The following ZNF536 variants were observed in gnomAD, a reference collection of about 807,000 sequenced individuals.
ZNF536 encodes zinc finger protein 536.
In ZNF536, 13 loss-of-function variants were observed where a neutral mutation model predicts 84.5. The ratio of observed to expected loss-of-function variants is 0.15; its 90% CI spans 0.10 to 0.24. ZNF536 has a LOEUF of 0.24. Among genes scored for constraint, ZNF536 ranks in the 10% least tolerant of loss-of-function variants. The pLI is 1.00. For missense variants in ZNF536, 1,536 were observed against 1,747.5 expected (o/e 0.88, Z 2.16); for synonymous variants, 811 against 742.5 (o/e 1.09, Z -1.50).
chr19:30,470,976 C>T (rs1455567277), intron 2 of ZNF536, among the ~76,000 whole-genome samples: 1 of 145,160 alleles, frequency 6.9e-6, no homozygotes, highest in Non-Finnish European at 1.5e-5. Flanking sequence ...GCATGAGCCA[C>T]TGCGCCCGGC....
At chr19:30,486,674 C>T (rs1173847391) in intron 2 of ZNF536, among the ~76,000 whole-genome samples, 1 of 152,156 alleles carries the variant, frequency 6.6e-6, no homozygotes, top group Admixed American at 6.5e-5. Context: ...GAGGATTCTC[C>T]ACACTGACTT....
exon 2 of ZNF536, chr19:30,712,389 GAAAGTATTAACTT>G (rs1376732155): frequency 6.7e-6 from 1 of 149,514 alleles, no homozygotes; most frequent in Non-Finnish European, 1.5e-5. Context: ...AGAGAAGTAT[GAAAGTATTAACTT>G]CTTCTAAAAC....
At chr19:30,476,315 A>G (rs1227932170) in intron 2 of ZNF536, among the ~76,000 whole-genome samples, 1 of 152,178 alleles carries the variant, frequency 6.6e-6, no homozygotes, top group Non-Finnish European at 1.5e-5. Flanking sequence ...GGCCATTAGC[A>G]TCCTGGCATT....
At chr19:30,659,502 AC>A (rs1465154063) in intron 1 of ZNF536, among the ~76,000 whole-genome samples, 2 of 151,956 alleles carry the variant, frequency 1.3e-5, no homozygotes, top group African/African-American at 4.8e-5. Context: ...ATAAAGACAT[AC>A]CCAAGACTGG....
chr19:30,386,647 G>C (rs1366054346), intron 1 of ZNF536, among the ~76,000 whole-genome samples: 1 of 152,180 alleles, frequency 6.6e-6, no homozygotes, highest in Non-Finnish European at 1.5e-5. Flanking sequence ...CAAAATGTTG[G>C]GATTATAGGC....
chr19:30,421,262 T>TTAGGA (rs1407759733), intron 1 of ZNF536, among the ~76,000 whole-genome samples: 6 of 152,320 alleles, frequency 3.9e-5, no homozygotes, highest in Admixed American at 1.3e-4. Flanking sequence ...TATTCAGAAC[T>TTAGGA]TCTTAAGAAG....
At chr19:30,513,174 G>C (rs2055489464) in intron 2 of ZNF536, among the ~76,000 whole-genome samples, 1 of 152,142 alleles carries the variant, frequency 6.6e-6, no homozygotes. Flanking sequence ...TAGCTGGAAA[G>C]TATTATTGAA....
Position 30,544,387 on chromosome 19 carries a change from T to G in ZNF536, c.2324-3556T>G, listed in dbSNP as rs540383988. ...CCCTAATTCACCAGGCCTGGGCCCG[T>G]GGAGACTCCAATGCTAGGAATTAGC... On this transcript the variant is annotated intron_variant, in intron 3 of 4. Transcript: ENST00000355537. 3.3e-4 allele frequency among the ~76,000 whole-genome samples: 51 copies of G among 152,292 alleles called. 1 individual carries two copies. In the South Asian group the frequency reaches 9.3e-3, roughly 28 times the overall value.
At chr19:30,606,561 A>G (rs1382518981) in intron 1 of ZNF536, among the ~76,000 whole-genome samples, 2 of 152,172 alleles carry the variant, frequency 1.3e-5, no homozygotes, top group Non-Finnish European at 2.9e-5. Context: ...AGGCCACTTC[A>G]CCAGTCTTTA....
intron 1 of ZNF536, among the ~76,000 whole-genome samples, chr19:30,625,657 T>G (rs548857176): frequency 1.2e-3 from 177 of 152,344 alleles, no homozygotes; most frequent in Admixed American, 3.7e-3. Context: ...CAAAATTATC[T>G]AATCTCCAGG....
intron 1 of ZNF536, among the ~76,000 whole-genome samples, chr19:30,671,748 A>T (rs1289289673): frequency 6.6e-6 from 1 of 152,188 alleles, no homozygotes; most frequent in Non-Finnish European, 1.5e-5. Flanking sequence ...CTCAGCAGAC[A>T]TTTGTTCAGT....
intron 2 of ZNF536, among the ~76,000 whole-genome samples, chr19:30,458,215 C>T (rs1356646076): frequency 6.6e-6 from 1 of 152,076 alleles, no homozygotes; most frequent in East Asian, 1.9e-4. Context: ...CTTCTCTGGG[C>T]TTTGGCTTTT....
chr19:30,544,099 G>A (rs927321512), intron 3 of ZNF536, among the ~76,000 whole-genome samples: 1 of 152,182 alleles, frequency 6.6e-6, no homozygotes, highest in African/African-American at 2.4e-5. Flanking sequence ...GTGAACATAA[G>A]TCCAAAGGGG....
At chr19:30,391,447 A>G (rs1246223482) in intron 1 of ZNF536, among the ~76,000 whole-genome samples, 1 of 152,182 alleles carries the variant, frequency 6.6e-6, no homozygotes, top group African/African-American at 2.4e-5. Context: ...ATGGTGGTGC[A>G]TGCCTGTAAT....
At chr19:30,402,799 ATAT>A (rs1395758848) in intron 1 of ZNF536, among the ~76,000 whole-genome samples, 2 of 57,540 alleles carry the variant, frequency 3.5e-5, no homozygotes, top group African/African-American at 1.2e-4. Flanking sequence ...ATTAAAAAAT[ATAT>A]ATATATATAT....
chr19:30,410,671 G>A (rs921898731), intron 1 of ZNF536, among the ~76,000 whole-genome samples: 2 of 151,902 alleles, frequency 1.3e-5, no homozygotes, highest in Non-Finnish European at 2.9e-5. Context: ...GTAGAGACGG[G>A]GTTTCACCGT....
chr19:30,660,580 T>A (rs2050088748), intron 1 of ZNF536, among the ~76,000 whole-genome samples: 1 of 152,260 alleles, frequency 6.6e-6, no homozygotes, highest in South Asian at 2.1e-4. Flanking sequence ...CCGTTATATT[T>A]CATGATTTCC....
intron 2 of ZNF536, among the ~76,000 whole-genome samples, chr19:30,511,254 C>T (rs2055402912): frequency 1.3e-5 from 2 of 152,170 alleles, no homozygotes. Context: ...GTTCATCTCT[C>T]GCAGCTTGGG....
chr19:30,308,769 C>T (rs948218978), intron 2 of ZNF536, among the ~76,000 whole-genome samples: 2 of 152,174 alleles, frequency 1.3e-5, no homozygotes, highest in Non-Finnish European at 2.9e-5. Context: ...AGCTCTGCTT[C>T]GAGTCCAGCA....
Sources: gnomAD v4.1 joint callset for allele counts (sites outside exome capture counted in the v4.1 genomes callset) on GRCh38, gnomAD v4.1.1 for gene constraint, MANE v1.5 for transcripts, NCBI Gene and HGNC (gene_info 2026-07-23, HGNC 2026-07-21) for gene names.